The following PTPRM variants were observed in gnomAD, a reference collection of about 807,000 sequenced individuals.
The protein encoded by PTPRM is protein tyrosine phosphatase receptor type M, also known as receptor-type tyrosine-protein phosphatase mu.
PTPRM carries 47 observed loss-of-function variants against 186.7 expected under a neutral mutation model. That is an observed-to-expected ratio of 0.25 (90% CI 0.20 to 0.32). PTPRM has a LOEUF of 0.32. Ranked by LOEUF, PTPRM falls within the 10% of genes least tolerant of loss-of-function variation. The probability of loss-of-function intolerance (pLI) is 1.00; values close to 1 mark genes in which losing one functional copy is unlikely to be tolerated. For synonymous variants in PTPRM, 668 were observed against 674.9 expected, an observed-to-expected ratio of 0.99 and a Z score of 0.16; for missense variants, 1,494 against 1,865.0, an observed-to-expected ratio of 0.80 and a Z score of 3.66.
chr18:8,143,924 T>C (rs1600814507), intron 14 of PTPRM, 145 bp downstream of exon 14: 2 of 1,137,422 alleles, frequency 1.8e-6, no homozygotes, highest in East Asian at 2.4e-5. Context: ...TTTTTCATCA[T>C]GTGGCATGGA....
intron 11 of PTPRM, among the ~76,000 whole-genome samples, chr18:8,109,952 C>G (rs531967959): frequency 6.6e-6 from 1 of 152,248 alleles, no homozygotes; most frequent in South Asian, 2.1e-4. Context: ...AAACCTTTTC[C>G]TTGGTCATTG....
At chr18:7,722,895 T>C (rs2040475612) in intron 1 of PTPRM, among the ~76,000 whole-genome samples, 2 of 152,184 alleles carry the variant, frequency 1.3e-5, no homozygotes, top group East Asian at 1.9e-4. Context: ...AGTTCACTTA[T>C]AATAGGAGAA....
chr18:8,266,363 C>CAA (rs10678321), intron 19 of PTPRM, among the ~76,000 whole-genome samples: 11,732 of 130,644 alleles, frequency 0.09, 625 homozygotes, highest in East Asian at 0.11. Context: ...TGCTACCACT[C>CAA]AAAAAAAAAA....
rs551116476 is a variant in PTPRM at position 7,891,946 on chromosome 18, T to C, written c.468+3569T>C. Among the ~76,000 whole-genome samples, 9 of 152,202 alleles carry C rather than the reference T, an allele frequency of 5.9e-5. No individual in the cohort carries two copies. The South Asian group carries it at 1.2e-3, about 21-fold the overall frequency. On this transcript the variant is annotated intron_variant, in intron 3 of 32. Transcript: ENST00000580170. ...CAAGCTAGGCCTCCAGAGGTTTTTGTATGGTGGCCTAGGCTGAGAAGCTGA... is the reference window on the plus strand; with the variant it reads ...CAAGCTAGGCCTCCAGAGGTTTTTGCATGGTGGCCTAGGCTGAGAAGCTGA...
chr18:7,788,810 A>G (rs28674940), intron 2 of PTPRM, among the ~76,000 whole-genome samples: 3 of 152,150 alleles, frequency 2.0e-5, no homozygotes, highest in African/African-American at 7.2e-5. Flanking sequence ...ATAGACAAAC[A>G]TTTTCTGAGC....
chr18:8,085,557 A>G, intron 9 of PTPRM, 114 bp from the exon 10 acceptor site: 2 of 878,084 alleles, frequency 2.3e-6, no homozygotes, highest in Non-Finnish European at 1.8e-6. Flanking sequence ...GAGTCTGAGT[A>G]GGAGCTTATC....
intron 1 of PTPRM, among the ~76,000 whole-genome samples, chr18:7,756,519 G>A (rs2041499564): frequency 6.6e-6 from 1 of 152,088 alleles, no homozygotes; most frequent in South Asian, 2.1e-4. Context: ...GTCTGTAAAG[G>A]ATCTCCAGTG....
At chr18:8,159,355 G>A (rs559189543) in intron 14 of PTPRM, among the ~76,000 whole-genome samples, 9 of 152,244 alleles carry the variant, frequency 5.9e-5, no homozygotes, top group East Asian at 1.9e-4. Flanking sequence ...CATATGTGCC[G>A]TTTGCTTATG....
At chr18:8,108,742 TTTAAA>T (rs977961451) in intron 11 of PTPRM, among the ~76,000 whole-genome samples, 1 of 152,230 alleles carries the variant, frequency 6.6e-6, no homozygotes, top group Admixed American at 6.5e-5. Flanking sequence ...TAAATTAAAC[TTTAAA>T]TTAAATTTCC....
At chr18:7,972,206 C>A (rs2054570768) in intron 7 of PTPRM, among the ~76,000 whole-genome samples, 1 of 130,040 alleles carries the variant, frequency 7.7e-6, no homozygotes, top group Non-Finnish European at 1.5e-5. Context: ...TAAACTATCG[C>A]AAGAAGAAAA....
chr18:7,654,675 C>G (rs2144319333), intron 1 of PTPRM, among the ~76,000 whole-genome samples: 1 of 152,282 alleles, frequency 6.6e-6, no homozygotes, highest in Middle Eastern at 3.4e-3. Flanking sequence ...TATGGCTAGT[C>G]AGTTACACCA....
At chr18:7,724,886 T>G (rs1300552552) in intron 1 of PTPRM, among the ~76,000 whole-genome samples, 1 of 152,234 alleles carries the variant, frequency 6.6e-6, no homozygotes, top group Non-Finnish European at 1.5e-5. Flanking sequence ...AAGTGTTGTA[T>G]TACAATGTTC....
At chr18:8,306,404 C>T (rs890578504) in intron 20 of PTPRM, among the ~76,000 whole-genome samples, 1 of 152,170 alleles carries the variant, frequency 6.6e-6, no homozygotes, top group Non-Finnish European at 1.5e-5. Context: ...GACACCAAAG[C>T]CCCTGTTAGT....
intron 23 of PTPRM, among the ~76,000 whole-genome samples, chr18:8,363,589 C>G (rs917655108): frequency 6.6e-6 from 1 of 152,206 alleles, no homozygotes; most frequent in African/African-American, 2.4e-5. Flanking sequence ...GTGACACTCT[C>G]TGTTTATTGC....
intron 4 of PTPRM, among the ~76,000 whole-genome samples, chr18:7,912,534 C>T (rs938865470): frequency 3.0e-4 from 45 of 151,982 alleles, no homozygotes; most frequent in African/African-American, 9.9e-4. Flanking sequence ...CTTTTTGAGA[C>T]AGAGTCTCAC....
intron 7 of PTPRM, among the ~76,000 whole-genome samples, chr18:8,051,638 A>G (rs2087508599): frequency 6.6e-6 from 1 of 152,158 alleles, no homozygotes; most frequent in South Asian, 2.1e-4. Context: ...ATTCAATATA[A>G]TGTGTTTCTG....
intron 12 of PTPRM, among the ~76,000 whole-genome samples, chr18:8,114,387 G>T (rs931214346): frequency 6.6e-6 from 1 of 152,074 alleles, no homozygotes; most frequent in Admixed American, 6.5e-5. Flanking sequence ...TCCCTCCTTC[G>T]CAGCATAGGT....
chr18:8,002,068 T>A (rs1451283550), intron 7 of PTPRM, among the ~76,000 whole-genome samples: 1 of 152,172 alleles, frequency 6.6e-6, no homozygotes, highest in Non-Finnish European at 1.5e-5. Context: ...CCACGTGAGA[T>A]GAGATCATAG....
At chr18:7,745,080 T>G (rs980062964) in intron 1 of PTPRM, among the ~76,000 whole-genome samples, 3 of 151,956 alleles carry the variant, frequency 2.0e-5, no homozygotes, top group African/African-American at 7.3e-5. Flanking sequence ...CTTGGGTAAG[T>G]TACCCAAATT....
Sources: allele counts gnomAD v4.1 joint callset (sites outside exome capture counted in the v4.1 genomes callset), GRCh38; gene constraint gnomAD v4.1.1; transcripts MANE v1.5; gene names NCBI Gene and HGNC (gene_info 2026-07-23, HGNC 2026-07-21).